Variants in ATP2B2 observed in about 807,000 individuals in gnomAD.
ATP2B2 encodes ATPase plasma membrane Ca2+ transporting 2.
In ATP2B2, 15 loss-of-function variants were observed where a neutral mutation model predicts 120.0. That is an observed-to-expected ratio of 0.12 (90% CI 0.08 to 0.19). The LOEUF is 0.19. ATP2B2 is among the 10% of genes least tolerant of loss of function. The pLI, the probability that ATP2B2 is intolerant of heterozygous loss-of-function variation, is 1.00. For synonymous variants in ATP2B2, 694 were observed against 700.3 expected (o/e 0.99, Z 0.14); for missense variants, 1,045 against 1,719.8 (o/e 0.61, Z 6.94).
chr3:10,393,353 G>A (rs1210519893), intron 5 of ATP2B2, among the ~76,000 whole-genome samples: 1 of 152,172 alleles, frequency 6.6e-6, no homozygotes, highest in Non-Finnish European at 1.5e-5. Context: ...GCCGCTGAGA[G>A]TATTTTTGGG....
chr3:10,640,205 C>A (rs531046470), intron 1 of ATP2B2, among the ~76,000 whole-genome samples: 2 of 152,222 alleles, frequency 1.3e-5, no homozygotes, highest in South Asian at 2.1e-4. Flanking sequence ...GGATTTGAAC[C>A]GATGTCTATC....
intron 1 of ATP2B2, among the ~76,000 whole-genome samples, chr3:10,499,081 T>C (rs564309357): frequency 1.3e-5 from 2 of 152,196 alleles, no homozygotes; most frequent in South Asian, 4.1e-4. Context: ...CACACAGTAG[T>C]AAACACTGGC....
chr3:10,568,592 T>C (rs1377835910), intron 2 of ATP2B2, among the ~76,000 whole-genome samples: 1 of 152,236 alleles, frequency 6.6e-6, no homozygotes. Context: ...CAGCTATTTA[T>C]GGTTTTCACT....
In ATP2B2 at chr3:10,402,015, CTT is replaced by C. The variant is rs1052998880; in HGVS notation, c.655+74_655+75del. The C allele has an allele frequency of 3.6e-5, 57 of 1,600,996 alleles. No individual in the cohort carries two copies. Among genetic ancestry groups the C allele is most frequent in the African/African-American group, 2.9e-4 (22 of 74,920 alleles). On this transcript the variant is annotated intron_variant, in intron 4 of 22. Transcript: ENST00000360273. The surrounding 1 kb of genome is among the most constrained non-coding windows in gnomAD (Gnocchi z 4.9). ...TGCATCCCCTTCCTTGAGCCAATCTCTTTGCATCAGCCTGGCCTGTCCCACCT... is the reference window on the plus strand; with the variant it reads ...TGCATCCCCTTCCTTGAGCCAATCTCTGCATCAGCCTGGCCTGTCCCACCT...
rs373685799 is a variant in ATP2B2 at position 10,344,688 on chromosome 3, C to T, written c.2703+696G>A. 1.6e-3 allele frequency among the ~76,000 whole-genome samples: 240 copies of T among 152,304 alleles called. 2 individuals are homozygous for T. The South Asian group carries it at 0.017, about 11-fold the overall frequency. ...GGAGACTGCAAGAACAATGGCAGGT[C>T]CCTGGCCAGTCCATCCTCTGAGCCT... On this transcript the variant is annotated intron_variant, in intron 18 of 22. Transcript: ENST00000360273.
intron 1 of ATP2B2, among the ~76,000 whole-genome samples, chr3:10,471,381 T>A (rs2064991398): frequency 6.7e-6 from 1 of 149,944 alleles, no homozygotes; most frequent in African/African-American, 2.5e-5. Flanking sequence ...TGTGTGTGTG[T>A]GTGTGTGTGT....
intron 3 of ATP2B2, among the ~76,000 whole-genome samples, chr3:10,523,193 C>T (rs1184617372): frequency 3.3e-5 from 5 of 152,140 alleles, no homozygotes; most frequent in African/African-American, 1.2e-4. Flanking sequence ...ACAAGCTGTA[C>T]AAAGTGAGTT....
intron 10 of ATP2B2, among the ~76,000 whole-genome samples, 200 bp downstream of exon 10, chr3:10,378,051 CT>C (rs2061427779): frequency 6.6e-6 from 1 of 152,254 alleles, no homozygotes; most frequent in Non-Finnish European, 1.5e-5. Flanking sequence ...GAGCTTCACT[CT>C]TCTGTATCAC....
chr3:10,335,981 C>A, intron 22 of ATP2B2: 4 of 983,792 alleles, frequency 4.1e-6, no homozygotes, highest in Non-Finnish European at 5.9e-6. Flanking sequence ...TCCTGACCAA[C>A]GGGACCCTCT....
intron 1 of ATP2B2, among the ~76,000 whole-genome samples, chr3:10,492,055 T>A (rs1350965375): frequency 5.3e-5 from 8 of 152,268 alleles, no homozygotes; most frequent in Admixed American, 5.2e-4. Flanking sequence ...TAGATCCTTC[T>A]GTATCATTCC....
chr3:10,377,161 C>A (rs3774166), intron 10 of ATP2B2, among the ~76,000 whole-genome samples: 57,901 of 151,948 alleles, frequency 0.38, 11,609 homozygotes, highest in East Asian at 0.67. Context: ...CTCATCGCTT[C>A]GTTCCCGGCC....
At chr3:10,604,829 C>T (rs972070524) in intron 2 of ATP2B2, among the ~76,000 whole-genome samples, 4 of 152,150 alleles carry the variant, frequency 2.6e-5, no homozygotes, top group Admixed American at 2.6e-4. Flanking sequence ...TGTCTTCTAC[C>T]CAGCCTACTT....
intron 1 of ATP2B2, among the ~76,000 whole-genome samples, chr3:10,487,368 A>G (rs1463455711): frequency 6.6e-6 from 1 of 152,222 alleles, no homozygotes; most frequent in African/African-American, 2.4e-5. Flanking sequence ...GCCCTGTGCT[A>G]GAAGGAGGAT....
intron 1 of ATP2B2, among the ~76,000 whole-genome samples, chr3:10,629,696 T>A (rs976207638): frequency 1.3e-5 from 2 of 152,194 alleles, no homozygotes; most frequent in Admixed American, 6.5e-5. Flanking sequence ...CTGCCCAAGC[T>A]TCACCTGCAT....
At chr3:10,356,429 A>C (rs986007737) in intron 14 of ATP2B2, among the ~76,000 whole-genome samples, 1 of 152,234 alleles carries the variant, frequency 6.6e-6, no homozygotes, top group African/African-American at 2.4e-5. Context: ...AAACAAAGAA[A>C]TAGAAGAACA....
rs1292950665 is a variant in ATP2B2, at chr3:10,449,355, T to C, written c.189A>G (p.Ser63=). 1 of 1,614,100 alleles carries C rather than the reference T, an allele frequency of 6.2e-7. No homozygotes were observed. The highest frequency in any genetic ancestry group is 1.1e-5 in the South Asian group (1 of 91,068). The change falls in exon 2 of 23, where the codon TCA becomes TCG. Residue 63 remains serine (S), a synonymous_variant. Transcript: ENST00000360273. ...GTCTTGAACACTTACCTTCAACAGG[T>C]GAGGTTTTGAGGCGCCGGCAGATGG... ...TEAICRRLKT[S]PVEGLPGTAP... is the part of the protein sequence containing the mutation.
chr3:10,411,568 T>C (rs1004217717), intron 2 of ATP2B2, among the ~76,000 whole-genome samples: 4 of 152,248 alleles, frequency 2.6e-5, no homozygotes, highest in Admixed American at 2.0e-4. Flanking sequence ...CCTCGCTCTC[T>C]GAGCCTCAGT....
intron 2 of ATP2B2, among the ~76,000 whole-genome samples, chr3:10,434,683 G>T (rs1275386043): frequency 6.6e-6 from 1 of 152,248 alleles, no homozygotes. Flanking sequence ...GTCTCATGGT[G>T]CCCCATGGCC....
chr3:10,418,732 G>A (rs977042450), intron 2 of ATP2B2, among the ~76,000 whole-genome samples: 1 of 152,176 alleles, frequency 6.6e-6, no homozygotes, highest in Non-Finnish European at 1.5e-5. Flanking sequence ...GGACCTGCCT[G>A]CAGCCTCAGC....
Sources: allele counts gnomAD v4.1 joint callset (sites outside exome capture counted in the v4.1 genomes callset), GRCh38; gene constraint gnomAD v4.1.1; non-coding constraint Gnocchi (gnomAD v3.1); transcripts MANE v1.5; gene names NCBI Gene and HGNC (gene_info 2026-07-23, HGNC 2026-07-21).